The following DLG2 variants were observed in gnomAD, a reference collection of about 807,000 sequenced individuals.
The protein encoded by DLG2 is discs large MAGUK scaffold protein 2, also known as disks large homolog 2.
Under a neutral mutation model 132.5 loss-of-function variants are expected in DLG2, and 45 were observed. That is an observed-to-expected ratio of 0.34 (90% CI 0.27 to 0.44). DLG2 has a LOEUF of 0.44. DLG2 is among the 20% of genes least tolerant of loss of function. The pLI is 1.00. For missense variants in DLG2, 1,045 were observed against 1,196.9 expected, an observed-to-expected ratio of 0.87 and a Z score of 1.87; for synonymous variants, 424 against 419.6, an observed-to-expected ratio of 1.01 and a Z score of -0.13.
intron 9 of DLG2, among the ~76,000 whole-genome samples, chr11:84,131,859 T>C (rs946878262): frequency 6.6e-6 from 1 of 152,014 alleles, no homozygotes; most frequent in African/African-American, 2.4e-5. Flanking sequence ...ATCTTTTAAA[T>C]TGACATATAA....
chr11:84,434,918 G>GAAAAAA (rs770101910), intron 7 of DLG2, among the ~76,000 whole-genome samples: 78 of 79,104 alleles, frequency 9.9e-4, no homozygotes, highest in African/African-American at 1.3e-3. Context: ...GTCACCTACT[G>GAAAAAA]AAAAAAAAAA....
intron 6 of DLG2, among the ~76,000 whole-genome samples, chr11:84,723,996 G>C (rs975982512): frequency 1.3e-5 from 2 of 151,924 alleles, no homozygotes; most frequent in African/African-American, 4.8e-5. Flanking sequence ...TCAGAAACTG[G>C]GACACAGTAA....
At chr11:84,504,435 A>G (rs1205752458) in intron 7 of DLG2, among the ~76,000 whole-genome samples, 2 of 152,186 alleles carry the variant, frequency 1.3e-5, no homozygotes, top group Non-Finnish European at 2.9e-5. Flanking sequence ...CCCTTTTATT[A>G]TCAAACGCTG....
rs1265988899 is a variant in DLG2 at position 84,936,474 on chromosome 11, ATTAG to A, written c.357+175183_357+175186del. Among the ~76,000 whole-genome samples the A allele has an allele frequency of 3.3e-5, 5 of 152,260 alleles. No individual in the cohort carries two copies. In the East Asian group the frequency reaches 9.6e-4, roughly 29 times the overall value. On this transcript the variant is annotated intron_variant, in intron 6 of 27. Transcript: ENST00000376104. ...AAAATATAGCTATGTGGATTTTATC[ATTAG>A]TTAAATAAATAAATGAACTATAGTG...
intron 3 of DLG2, among the ~76,000 whole-genome samples, chr11:85,459,351 C>A (rs539964607): frequency 6.6e-6 from 1 of 152,072 alleles, no homozygotes; most frequent in South Asian, 2.1e-4. Context: ...CAGGGATGAG[C>A]GACCAGGCTT....
chr11:83,810,590 A>G (rs1460608237), intron 17 of DLG2, among the ~76,000 whole-genome samples: 1 of 152,076 alleles, frequency 6.6e-6, no homozygotes, highest in Non-Finnish European at 1.5e-5. Context: ...ACAAACAAAT[A>G]TTGTACAAGA....
At chr11:84,325,206 G>GT (rs1310561774) in intron 7 of DLG2, among the ~76,000 whole-genome samples, 8 of 151,552 alleles carry the variant, frequency 5.3e-5, no homozygotes, top group South Asian at 2.1e-4. Context: ...ATTTGTTGAG[G>GT]TTTTTTTTAA....
chr11:84,661,285 T>C (rs1219495480), intron 6 of DLG2, among the ~76,000 whole-genome samples: 1 of 152,130 alleles, frequency 6.6e-6, no homozygotes, highest in Non-Finnish European at 1.5e-5. Context: ...AAATGAAGGC[T>C]GAAAGCATCA....
intron 7 of DLG2, among the ~76,000 whole-genome samples, chr11:84,442,988 C>T (rs2099022135): frequency 6.6e-6 from 1 of 152,042 alleles, no homozygotes; most frequent in Admixed American, 6.6e-5. Flanking sequence ...TACAAACTGG[C>T]CCGGCTGCAG....
rs201024808 is a variant in DLG2 at position 84,710,997 on chromosome 11, C to CATATAT, written c.358-176272_358-176267dup. Among the ~76,000 whole-genome samples, 529 of 95,920 alleles carry CATATAT rather than the reference C, an allele frequency of 5.5e-3. 2 individuals are homozygous for CATATAT. Among genetic ancestry groups the CATATAT allele is most frequent in the Non-Finnish European group, 7.0e-3 (347 of 49,802 alleles). The allele number at this position is 95,920 out of a possible 152,430, so 62.9% of individuals were successfully genotyped here. ...TGTTCATAAGTCTGACAAGTACATTCATATATATATAGATATATATATATA... is the reference window on the plus strand; with the variant it reads ...TGTTCATAAGTCTGACAAGTACATTCATATATATATATATATAGATATATATATATA... On this transcript the variant is annotated intron_variant, in intron 6 of 27. Coordinates refer to ENST00000376104, the MANE Select transcript of DLG2 (RefSeq NM_001142699.3).
chr11:83,857,630 AC>A (rs2060750460), intron 16 of DLG2, among the ~76,000 whole-genome samples: 1 of 152,144 alleles, frequency 6.6e-6, no homozygotes, highest in Non-Finnish European at 1.5e-5. Flanking sequence ...GATTGTCCAA[AC>A]CCTTAGAATG....
intron 6 of DLG2, among the ~76,000 whole-genome samples, chr11:84,570,989 A>G (rs1271159557): frequency 2.6e-5 from 4 of 152,182 alleles, no homozygotes; most frequent in Non-Finnish European, 5.9e-5. Context: ...TGCTAAAATT[A>G]GAGAACAGTT....
chr11:85,589,432 A>G (rs2079172994), intron 3 of DLG2, among the ~76,000 whole-genome samples: 3 of 152,112 alleles, frequency 2.0e-5, no homozygotes, highest in Admixed American at 2.0e-4. Context: ...AAAGCTCCCA[A>G]AAGTTTATGT....
rs765175349 is a variant in DLG2 at position 84,806,900 on chromosome 11, AG to A, written c.358-272170del. Among the ~76,000 whole-genome samples, 53 of 152,290 alleles carry A rather than the reference AG, an allele frequency of 3.5e-4. 1 individual carries two copies. The highest frequency in any genetic ancestry group is 2.0e-3 in the Admixed American group (30 of 15,296). On this transcript the variant is annotated intron_variant, in intron 6 of 27. Coordinates refer to ENST00000376104, the MANE Select transcript of DLG2 (RefSeq NM_001142699.3). Reference sequence around the variant, plus strand: ...TTTAAAAAATATATAGGGAAGACTAAGGGAATATAAATGAAAATAAGGTTTC... The same window carrying A: ...TTTAAAAAATATATAGGGAAGACTAAGGAATATAAATGAAAATAAGGTTTC...
chr11:84,270,731 C>T (rs1359812718), intron 7 of DLG2, among the ~76,000 whole-genome samples: 2 of 152,188 alleles, frequency 1.3e-5, no homozygotes, highest in Non-Finnish European at 2.9e-5. Flanking sequence ...CACAGAAGAG[C>T]ATTTACTTGC....
chr11:84,139,259 T>C (rs1021460190), intron 9 of DLG2, among the ~76,000 whole-genome samples: 2 of 152,098 alleles, frequency 1.3e-5, no homozygotes. Flanking sequence ...TTTACACTTG[T>C]TGAATAAACA....
At chr11:85,451,975 T>A (rs997655937) in intron 3 of DLG2, among the ~76,000 whole-genome samples, 1 of 152,172 alleles carries the variant, frequency 6.6e-6, no homozygotes, top group Non-Finnish European at 1.5e-5. Flanking sequence ...AATTTCTTTT[T>A]TTTATTTCAG....
chr11:84,097,648 T>G (rs1325404719), intron 10 of DLG2, among the ~76,000 whole-genome samples: 1 of 152,134 alleles, frequency 6.6e-6, no homozygotes. Flanking sequence ...CTATCTTACC[T>G]CCCACAATAA....
At chr11:84,191,107 C>G (rs1328651625) in intron 8 of DLG2, among the ~76,000 whole-genome samples, 1 of 152,146 alleles carries the variant, frequency 6.6e-6, no homozygotes, top group African/African-American at 2.4e-5. Flanking sequence ...TGGATCCTAG[C>G]CCTGACTCTA....
Sources: gnomAD v4.1 joint callset for allele counts (sites outside exome capture counted in the v4.1 genomes callset) on GRCh38, gnomAD v4.1.1 for gene constraint, MANE v1.5 for transcripts, NCBI Gene and HGNC (gene_info 2026-07-23, HGNC 2026-07-21) for gene names.